The following MECOM variants were observed in gnomAD, a reference collection of about 807,000 sequenced individuals.
MECOM encodes MDS1 and EVI1 complex locus.
In MECOM, 13 loss-of-function variants were observed where a neutral mutation model predicts 116.3. That is an observed-to-expected ratio of 0.11 (90% confidence interval 0.07 to 0.18). The LOEUF is 0.18. Among genes scored for constraint, MECOM ranks in the 10% least tolerant of loss-of-function variants. MECOM has a pLI of 1.00. For missense variants in MECOM, 1,299 were observed against 1,509.0 expected (o/e 0.86, Z 2.31); for synonymous variants, 528 against 535.2 (o/e 0.99, Z 0.19).
chr3:169,372,477 A>G (rs1730302576), intron 2 of MECOM, among the ~76,000 whole-genome samples: 1 of 152,020 alleles, frequency 6.6e-6, no homozygotes, highest in South Asian at 2.1e-4. Context: ...TCTCTCCTGA[A>G]CCCTCGTTTT....
At chr3:169,437,903 C>A (rs1201635782) in intron 1 of MECOM, among the ~76,000 whole-genome samples, 1 of 152,204 alleles carries the variant, frequency 6.6e-6, no homozygotes, top group African/African-American at 2.4e-5. Context: ...ATAAAAATCT[C>A]ATCCTCCTAA....
intron 2 of MECOM, among the ~76,000 whole-genome samples, chr3:169,295,096 T>G (rs752411047): frequency 2.6e-5 from 4 of 152,212 alleles, no homozygotes; most frequent in Non-Finnish European, 5.9e-5. Context: ...ATTTTCAAAC[T>G]GTCTTCCTGA....
At chr3:169,114,056 A>G (rs1048127185) in intron 8 of MECOM, among the ~76,000 whole-genome samples, 1 of 152,172 alleles carries the variant, frequency 6.6e-6, no homozygotes, top group Non-Finnish European at 1.5e-5. Context: ...ATCAGAAGCC[A>G]GTTGCTACTG....
Position 169,388,808 on chromosome 3 carries a change from A to T in MECOM, c.38-7284T>A, listed in dbSNP as rs1330479213. On this transcript the variant is annotated intron_variant, in intron 1 of 16. Transcript: ENST00000651503. Reference sequence around the variant, plus strand: ...ATGGCTTGGCACTAGAATTTTTTTAATGACCCTCTAAGCTTCCTTGCACTT... The same window carrying T: ...ATGGCTTGGCACTAGAATTTTTTTATTGACCCTCTAAGCTTCCTTGCACTT... 2.0e-5 allele frequency among the ~76,000 whole-genome samples: 3 copies of T among 152,200 alleles called. No homozygotes were observed. The South Asian group carries it at 6.2e-4, about 32-fold the overall frequency.
intron 1 of MECOM, among the ~76,000 whole-genome samples, chr3:169,650,795 G>T (rs192408428): frequency 1.3e-5 from 2 of 151,924 alleles, no homozygotes; most frequent in East Asian, 3.9e-4. Context: ...ATTCCTTTGG[G>T]TCCTGGTTTG....
chr3:169,556,254 G>GT (rs150710416), intron 1 of MECOM, among the ~76,000 whole-genome samples: 5,125 of 152,244 alleles, frequency 0.034, 135 homozygotes, highest in South Asian at 0.1. Context: ...TTAATCTCAT[G>GT]TAATTCCACT....
intron 1 of MECOM, among the ~76,000 whole-genome samples, chr3:169,628,559 C>T (rs1056288006): frequency 2.0e-5 from 3 of 152,178 alleles, no homozygotes; most frequent in African/African-American, 7.2e-5. Flanking sequence ...ATAGGAAGCT[C>T]ATGGTGTGGT....
At chr3:169,323,452 C>T (rs765133599) in intron 2 of MECOM, among the ~76,000 whole-genome samples, 20 of 152,110 alleles carry the variant, frequency 1.3e-4, no homozygotes, top group South Asian at 1.0e-3. Flanking sequence ...AGCACGTAGG[C>T]ATTTGGACGG....
At chr3:169,388,326 G>A (rs898141018) in intron 1 of MECOM, among the ~76,000 whole-genome samples, 3 of 152,178 alleles carry the variant, frequency 2.0e-5, no homozygotes, top group Non-Finnish European at 4.4e-5. Flanking sequence ...AGAGGACTTC[G>A]GGAGCCAGCT....
intron 1 of MECOM, among the ~76,000 whole-genome samples, chr3:169,581,273 G>C (rs953637583): frequency 6.6e-6 from 1 of 152,020 alleles, no homozygotes; most frequent in Non-Finnish European, 1.5e-5. Context: ...ATTCCTTAAT[G>C]TCCATCTTTA....
intron 1 of MECOM, among the ~76,000 whole-genome samples, chr3:169,450,259 C>T (rs1745329871): frequency 6.6e-6 from 1 of 152,140 alleles, no homozygotes; most frequent in Non-Finnish European, 1.5e-5. Context: ...GCTTTGAAGA[C>T]TGTACGGGAA....
chr3:169,508,926 A>G (rs1755624142), intron 1 of MECOM, among the ~76,000 whole-genome samples: 1 of 152,242 alleles, frequency 6.6e-6, no homozygotes, highest in African/African-American at 2.4e-5. Flanking sequence ...GTGACGCTAT[A>G]GTCATCCTGC....
intron 1 of MECOM, among the ~76,000 whole-genome samples, chr3:169,461,698 G>T (rs572319884): frequency 7.2e-5 from 11 of 152,182 alleles, no homozygotes; most frequent in African/African-American, 2.6e-4. Flanking sequence ...AGTTATAGAC[G>T]CATATAAGTT....
intron 1 of MECOM, among the ~76,000 whole-genome samples, chr3:169,549,943 C>T (rs1341173944): frequency 6.6e-6 from 1 of 152,070 alleles, no homozygotes; most frequent in Non-Finnish European, 1.5e-5. Flanking sequence ...TATTAGAAAG[C>T]AATTACAATT....
rs1398771979 is a variant in MECOM at position 169,116,499 on chromosome 3, T to G, written c.1373A>C (p.Asn458Thr). ...TPAMDKTSMV[N>T]MSHANPGLAD... ...AAGGCCCGGGTTGGCATGACTCATA[T>G]TAACCATGGACGTTTTATCCATAGC... Residue 458 changes from asparagine (N) to threonine (T), a missense_variant, in exon 8 of 17, where the codon AAT (asparagine) becomes ACT (threonine). Asn to Thr is a moderately conservative substitution (Grantham distance 65). Around this residue, in one of 6 missense-constraint regions of MECOM, gnomAD observed 238 missense variants for 273.1 expected, o/e 0.87. Transcript: ENST00000651503. 6 of 1,614,078 alleles carry G rather than the reference T, an allele frequency of 3.7e-6. No individual in the cohort carries two copies. The African/African-American group carries it at 6.7e-5, about 18-fold the overall frequency.
chr3:169,340,317 T>C (rs989423433), intron 2 of MECOM, among the ~76,000 whole-genome samples: 7 of 152,192 alleles, frequency 4.6e-5, no homozygotes, highest in African/African-American at 1.2e-4. Context: ...ATCACTCTAG[T>C]AGTGTAAATA....
At chr3:169,143,660 T>C (rs376991562) in intron 3 of MECOM, 38 bp downstream of exon 3, 125 of 1,520,330 alleles carry the variant, frequency 8.2e-5, no homozygotes, top group Non-Finnish European at 1.1e-4. Context: ...GATACTTTTG[T>C]GCTCTCAAGG....
intron 2 of MECOM, among the ~76,000 whole-genome samples, chr3:169,378,294 A>T (rs1241863527): frequency 1.3e-5 from 2 of 150,278 alleles, no homozygotes; most frequent in East Asian, 3.9e-4. Context: ...CATGTTCTGC[A>T]CATGTATCCT....
intron 1 of MECOM, among the ~76,000 whole-genome samples, chr3:169,614,114 C>CTTT (rs34798812): frequency 4.3e-5 from 6 of 138,236 alleles, no homozygotes; most frequent in South Asian, 5.0e-4. Flanking sequence ...TTTCTTTTTT[C>CTTT]TTTTTTTTTT....
Sources: allele counts gnomAD v4.1 joint callset (sites outside exome capture counted in the v4.1 genomes callset), GRCh38; gene constraint gnomAD v4.1.1; regional missense constraint gnomAD v4.1.1; transcripts MANE v1.5; gene names NCBI Gene and HGNC (gene_info 2026-07-23, HGNC 2026-07-21).